MMD2: variants seen among roughly 807,000 people sequenced by gnomAD.
The protein encoded by MMD2 is monocyte to macrophage differentiation factor 2.
Under a neutral mutation model 33.5 loss-of-function variants are expected in MMD2, and 30 were observed. That is an observed-to-expected ratio of 0.90 (90% confidence interval 0.67 to 1.22). The LOEUF is 1.22. MMD2 is among the 50% of genes most tolerant of loss of function. The probability of loss-of-function intolerance (pLI) is 0.00; values close to 1 mark genes in which losing one functional copy is unlikely to be tolerated. For missense variants in MMD2, 364 were observed against 325.4 expected (o/e 1.12, Z -0.91); for synonymous variants, 129 against 123.0 (o/e 1.05, Z -0.32).
chr7:4,897,497 T>C, the MMD2 span, among the ~76,000 whole-genome samples: 1 of 152,178 alleles, frequency 6.6e-6, no homozygotes, highest in South Asian at 2.1e-4. Context: ...AAAGTGAATA[T>C]GAAAGACAAT....
chr7:4,945,786 G>T (rs1355835443), intron 1 of MMD2, among the ~76,000 whole-genome samples: 1 of 151,896 alleles, frequency 6.6e-6, no homozygotes, highest in Non-Finnish European at 1.5e-5. Flanking sequence ...TGTTGCCCAG[G>T]CTGGTCTTGA....
chr7:4,937,704 C>T (rs1260585156), intron 1 of MMD2, among the ~76,000 whole-genome samples: 5 of 152,080 alleles, frequency 3.3e-5, no homozygotes, highest in South Asian at 2.1e-4. Flanking sequence ...GACAGAATCT[C>T]GCCATGTTGC....
Position 4,916,047 on chromosome 7 carries a change from C to G in MMD2, c.323G>C (p.Arg108Pro), listed in dbSNP as rs780813727. 1 of 1,613,882 alleles carries G rather than the reference C, an allele frequency of 6.2e-7. No homozygotes were observed. The highest frequency in any genetic ancestry group is 1.1e-5 in the South Asian group (1 of 91,070). Residue 108 changes from arginine to proline, a missense_variant, in exon 4 of 7, where the codon CGG (arginine) becomes CCG (proline). Physicochemically the swap from Arg to Pro is moderately radical, Grantham distance 103. Transcript: ENST00000401401. ...CGCTATGAAGAAATAGATGACCATCCGGTCGAACATGTGTAGACAGTGTTC... is the reference window on the plus strand; with the variant it reads ...CGCTATGAAGAAATAGATGACCATCGGGTCGAACATGTGTAGACAGTGTTC... ...MVEHCLHMFD[R>P]MVIYFFIAAS...
Position 4,907,436 on chromosome 7 carries a change from A to G in MMD2, c.701T>C (p.Leu234Pro), listed in dbSNP as rs1265460425. 7 of 1,613,806 alleles carry G rather than the reference A, an allele frequency of 4.3e-6. 1 individual carries two copies. Among genetic ancestry groups the G allele is most frequent in the Middle Eastern group, 3.3e-4 (2 of 6,010 alleles). ...GGTCTGCAGGGTGCTGGGCAGATAG[A>G]GGTACCTCCAGATGGCATAGTAGTG... ...GTHYYAIWRY[L>P]YLPSTLQTKV... is the part of the protein sequence containing the mutation. Residue 234 changes from leucine (L) to proline (P), a missense_variant, in exon 7 of 7, where the codon CTC becomes CCC. Coordinates refer to ENST00000401401, the MANE Select transcript of MMD2 (RefSeq NM_198403.4).
downstream of MMD2, among the ~76,000 whole-genome samples, chr7:4,905,010 A>G (rs115198571): frequency 6.3e-3 from 967 of 152,304 alleles, 17 homozygotes; most frequent in African/African-American, 0.022. This position sits in a 1 kb window ranked among gnomAD's most constrained non-coding sequence, Gnocchi z 5.0. Context: ...AGTAAGTTGC[A>G]TGGACAAGGG....
chr7:4,911,798 G>A (rs1175789171), intron 4 of MMD2, among the ~76,000 whole-genome samples: 5 of 151,836 alleles, frequency 3.3e-5, no homozygotes, highest in East Asian at 1.9e-4. Flanking sequence ...ACAGGCATGC[G>A]CCACCATGCC....
intron 1 of MMD2, among the ~76,000 whole-genome samples, chr7:4,943,523 C>G (rs1446873996): frequency 2.6e-5 from 4 of 152,130 alleles, no homozygotes; most frequent in Non-Finnish European, 5.9e-5. Flanking sequence ...CTGATGTCCC[C>G]TAGCAGTGCC....
At chr7:4,932,602 T>C (rs376195083) in intron 1 of MMD2, among the ~76,000 whole-genome samples, 1 of 148,828 alleles carries the variant, frequency 6.7e-6, no homozygotes, top group Non-Finnish European at 1.5e-5. Context: ...GCTAAGGCCC[T>C]GTCCCCTGTC....
At chr7:4,928,247 C>A (rs908538385) in intron 1 of MMD2, among the ~76,000 whole-genome samples, 3 of 152,172 alleles carry the variant, frequency 2.0e-5, no homozygotes, top group African/African-American at 7.2e-5. Flanking sequence ...TGGTTCAGGA[C>A]AAATGACTCC....
chr7:4,899,257 G>T, the MMD2 span, among the ~76,000 whole-genome samples: 1 of 152,138 alleles, frequency 6.6e-6, no homozygotes, highest in Non-Finnish European at 1.5e-5. Flanking sequence ...AATCCACCCA[G>T]TCTATGGTAT....
intron 3 of MMD2, among the ~76,000 whole-genome samples, chr7:4,918,102 A>G (rs1785185382): frequency 6.6e-6 from 1 of 152,174 alleles, no homozygotes; most frequent in Non-Finnish European, 1.5e-5. Flanking sequence ...GCCCCAGTCA[A>G]GCCATCAGAT....
the MMD2 span, among the ~76,000 whole-genome samples, chr7:4,898,975 T>TAGGA: frequency 1.2e-4 from 18 of 150,220 alleles, no homozygotes; most frequent in East Asian, 3.1e-3. Flanking sequence ...GGAAGGAAGC[T>TAGGA]AGGAAGGAAG....
chr7:4,939,436 A>G (rs1213782653), intron 1 of MMD2, among the ~76,000 whole-genome samples: 2 of 151,398 alleles, frequency 1.3e-5, no homozygotes, highest in East Asian at 2.0e-4. Flanking sequence ...TCAGCTGCCC[A>G]GGAGGCTGAG....
At chr7:4,911,368 C>CTGGGA (rs1785004095) in intron 4 of MMD2, 122 bp from the exon 5 acceptor site, 1 of 706,792 alleles carries the variant, frequency 1.4e-6, no homozygotes, top group Admixed American at 2.6e-5. Context: ...GACTCCACGG[C>CTGGGA]TGGGACATGG....
intron 1 of MMD2, among the ~76,000 whole-genome samples, chr7:4,945,196 T>TCTTCTTCTTCTTCTTCTTCTTCTTCTC (rs1562493779): frequency 2.2e-5 from 3 of 135,556 alleles, no homozygotes; most frequent in African/African-American, 8.4e-5. Context: ...TTCTTCTTCT[T>TCTTCTTCTTCTTCTTCTTCTTCTTCTC]CTTCTTCTTC....
the MMD2 span, among the ~76,000 whole-genome samples, chr7:4,892,757 C>G: frequency 2.2e-4 from 34 of 151,858 alleles, no homozygotes; most frequent in Admixed American, 1.3e-4. Context: ...GCTCTGTCGT[C>G]CAGGCTGGAG....
intron 1 of MMD2, among the ~76,000 whole-genome samples, chr7:4,929,946 G>A (rs1349435507): frequency 6.6e-6 from 1 of 152,098 alleles, no homozygotes; most frequent in Non-Finnish European, 1.5e-5. Flanking sequence ...CCTCATTTGG[G>A]AACAGGATTG....
chr7:4,959,096 G>C lies in MMD2; in HGVS notation c.-79C>G. 1 of 1,182,526 alleles carries C rather than the reference G, an allele frequency of 8.5e-7. No homozygotes were observed. Among genetic ancestry groups the C allele is most frequent in the Non-Finnish European group, 1.1e-6 (1 of 934,264 alleles). 73.3% of individuals were successfully genotyped at this position (1,182,526 alleles called of 1,614,324 possible). On this transcript the variant is annotated 5_prime_UTR_variant, in exon 1 of 7. Coordinates refer to ENST00000401401, the MANE Select transcript of MMD2 (RefSeq NM_198403.4). ...GAGCCTGGGGGGCGCGGCGGCGGCA[G>C]CAGCAGGTTGGAGGGCGCGCGGCGG...
the MMD2 span, among the ~76,000 whole-genome samples, chr7:4,895,826 G>A: frequency 2.0e-5 from 3 of 151,812 alleles, no homozygotes; most frequent in Admixed American, 6.6e-5. Context: ...GAACCACCGC[G>A]CCCGGCTGAG....
Sources: allele counts gnomAD v4.1 joint callset (sites outside exome capture counted in the v4.1 genomes callset), GRCh38; gene constraint gnomAD v4.1.1; non-coding constraint Gnocchi (gnomAD v3.1); transcripts MANE v1.5; gene names NCBI Gene and HGNC (gene_info 2026-07-23, HGNC 2026-07-21).